OSBPL6: variants seen among roughly 807,000 people sequenced by gnomAD.
The protein encoded by OSBPL6 is oxysterol-binding protein-related protein 6.
In OSBPL6, 49 loss-of-function variants were observed where a neutral mutation model predicts 125.8. The observed-to-expected ratio is 0.39, with a 90% CI of 0.31 to 0.49. OSBPL6 has a LOEUF of 0.49. Ranked by LOEUF, OSBPL6 falls within the 20% of genes least tolerant of loss-of-function variation. OSBPL6 has a pLI of 0.88. For missense variants in OSBPL6, 986 were observed against 1,135.4 expected (o/e 0.87, Z 1.89); for synonymous variants, 394 against 391.8 (o/e 1.01, Z -0.07).
chr2:178,295,124 A>C (rs2154050478), intron 2 of OSBPL6, among the ~76,000 whole-genome samples: 1 of 152,258 alleles, frequency 6.6e-6, no homozygotes, highest in East Asian at 1.9e-4. Flanking sequence ...TGCAAGCATA[A>C]AGTATCTTCT....
In OSBPL6 at chr2:178,349,308, C is replaced by G. The variant is rs868641919; in HGVS notation, c.1072C>G (p.Pro358Ala). 3 of 1,614,108 alleles carry G rather than the reference C, an allele frequency of 1.9e-6. No individual in the cohort carries two copies. The South Asian group carries it at 3.3e-5, about 18-fold the overall frequency. ...LCADIEFQTP[P>A]SHLTDPLESS... ...TGCAGATATTGAATTTCAGACTCCCCCTAGCCACCTCACTGACCCTCTGGA... is the reference window on the plus strand; with the variant it reads ...TGCAGATATTGAATTTCAGACTCCCGCTAGCCACCTCACTGACCCTCTGGA... Residue 358 changes from proline to alanine, a missense_variant, in exon 12 of 25, where the codon CCT becomes GCT. By Grantham distance (27) the Pro-to-Ala change is conservative (BLOSUM62 -1). Transcript: ENST00000190611.
chr2:178,196,908 C>G (rs2088931047), intron 1 of OSBPL6, among the ~76,000 whole-genome samples: 1 of 152,062 alleles, frequency 6.6e-6, no homozygotes, highest in Non-Finnish European at 1.5e-5. Flanking sequence ...TTTCCTCACT[C>G]AATATTATAT....
At chr2:178,369,327 G>T (rs1224950260) in intron 13 of OSBPL6, among the ~76,000 whole-genome samples, 4 of 152,108 alleles carry the variant, frequency 2.6e-5, no homozygotes, top group African/African-American at 9.7e-5. Flanking sequence ...CTGATGATTT[G>T]CCCCATAAAG....
At chr2:178,212,608 G>C (rs2089912220) in intron 1 of OSBPL6, among the ~76,000 whole-genome samples, 1 of 152,220 alleles carries the variant, frequency 6.6e-6, no homozygotes, top group African/African-American at 2.4e-5. Flanking sequence ...ACAGTAATCA[G>C]TGAGGTGATA....
intron 13 of OSBPL6, among the ~76,000 whole-genome samples, chr2:178,362,797 A>G (rs1011089152): frequency 1.4e-4 from 22 of 152,188 alleles, no homozygotes; most frequent in African/African-American, 4.3e-4. Context: ...TTTCTGCATT[A>G]TCCATAAAAC....
chr2:178,383,958 T>C lies in OSBPL6; in HGVS notation c.1876-81T>C, dbSNP rs1044254813. ...TCAACACCCATCCACATGAGGTGTG[T>C]AAAATCTAGAGGGATGAGGAACAAA... On this transcript the variant is annotated intron_variant, in intron 17 of 24. Coordinates refer to ENST00000190611, the MANE Select transcript of OSBPL6 (RefSeq NM_032523.4). The C allele has an allele frequency of 2.3e-5, 34 of 1,494,692 alleles. No individual in the cohort carries two copies. The South Asian group carries it at 3.7e-4, about 16-fold the overall frequency. The allele number at this position is 1,494,692 out of a possible 1,614,324, so 92.6% of individuals were successfully genotyped here. A position where few individuals can be genotyped will look rare whatever the true frequency, so the allele number is the denominator to read the frequency against.
Position 178,383,049 on chromosome 2 carries a change from G to C in OSBPL6, c.1647G>C (p.Gly549=). 2.5e-6 allele frequency: 4 copies of C among 1,614,156 alleles called. No homozygotes were observed. The highest frequency in any genetic ancestry group is 3.4e-6 in the Non-Finnish European group (4 of 1,180,030). Residue 549 remains glycine, a synonymous_variant, in exon 17 of 25, where the codon GGG becomes GGC. Coordinates refer to ENST00000190611, the MANE Select transcript of OSBPL6 (RefSeq NM_032523.4). ...RQILNGELTG[G]AFRNGRRACL... ...TCCTGAATGGGGAGCTTACAGGAGG[G>C]GCCTTCCGAAATGGGCGTCGAGCAT...
chr2:178,361,873 A>C (rs1692391988), intron 13 of OSBPL6, 58 bp downstream of exon 13: 1 of 1,591,260 alleles, frequency 6.3e-7, no homozygotes, highest in South Asian at 1.1e-5. Flanking sequence ...TGTAAGATGA[A>C]AGATCAAAAG....
intron 1 of OSBPL6, among the ~76,000 whole-genome samples, chr2:178,266,545 G>A (rs1054354040): frequency 1.3e-5 from 2 of 152,160 alleles, no homozygotes; most frequent in Admixed American, 6.5e-5. Flanking sequence ...TGTAAGGTGG[G>A]CATGGCTCTT....
At chr2:178,384,229 G>A in intron 18 of OSBPL6, 53 bp downstream of exon 18, 1 of 1,574,646 alleles carries the variant, frequency 6.4e-7, no homozygotes, top group Non-Finnish European at 8.7e-7. Context: ...GGACAGTTCG[G>A]TGATGAAAGC....
chr2:178,269,439 G>C lies in OSBPL6; in HGVS notation c.-350-15488G>C, dbSNP rs774633196. Among the ~76,000 whole-genome samples the C allele has an allele frequency of 1.1e-4, 16 of 152,356 alleles. No individual in the cohort carries two copies. The Middle Eastern group carries it at 0.01, about 97-fold the overall frequency. ...TAACATGGAATTGCTGGGTCATAGA[G>C]TATTGGTACCTTTAGAAGATGTTGC... is the stretch of plus-strand genomic sequence containing the variant. On this transcript the variant is annotated intron_variant, in intron 1 of 24. Coordinates refer to ENST00000190611, the MANE Select transcript of OSBPL6 (RefSeq NM_032523.4).
At position 178,339,654 on chromosome 2, in the gene OSBPL6, A is replaced by T; in HGVS notation, c.895-18A>T. The T allele has an allele frequency of 1.3e-6, 2 of 1,569,674 alleles. No individual in the cohort carries two copies. The highest frequency in any genetic ancestry group is 1.7e-6 in the Non-Finnish European group (2 of 1,159,196). On this transcript the variant is annotated intron_variant, in intron 10 of 24. Coordinates refer to ENST00000190611, the MANE Select transcript of OSBPL6 (RefSeq NM_032523.4). ...ACTTAATAATACTTTGTTGCTTTTA[A>T]CTATTTGTGTAATGTAGGCTAACTG...
chr2:178,233,265 G>A (rs929455697), intron 1 of OSBPL6, among the ~76,000 whole-genome samples: 1 of 152,200 alleles, frequency 6.6e-6, no homozygotes, highest in African/African-American at 2.4e-5. Flanking sequence ...CTTCAGAAAT[G>A]AAATACACAG....
intron 11 of OSBPL6, chr2:178,344,219 C>T: frequency 7.4e-7 from 1 of 1,344,348 alleles, no homozygotes. Context: ...TATCTTTCAT[C>T]CTCCCATCTT....
At chr2:178,296,356 C>G (rs1685752712) in intron 2 of OSBPL6, among the ~76,000 whole-genome samples, 1 of 152,052 alleles carries the variant, frequency 6.6e-6, no homozygotes, top group Non-Finnish European at 1.5e-5. Flanking sequence ...GAAACTGAAG[C>G]AAAGAGAGAC....
At chr2:178,328,579 G>A (rs908560934) in intron 5 of OSBPL6, among the ~76,000 whole-genome samples, 18 of 152,060 alleles carry the variant, frequency 1.2e-4, no homozygotes, top group African/African-American at 3.9e-4. Flanking sequence ...CTTCCACCTC[G>A]CAGGTTCAAG....
intron 5 of OSBPL6, among the ~76,000 whole-genome samples, chr2:178,330,090 ATCC>A (rs1407303131): frequency 6.6e-6 from 1 of 152,126 alleles, no homozygotes; most frequent in African/African-American, 2.4e-5. Context: ...CCAATTGGCC[ATCC>A]TCCTTCCTAC....
chr2:178,365,989 C>G (rs1399145182), intron 13 of OSBPL6, among the ~76,000 whole-genome samples: 6 of 152,166 alleles, frequency 3.9e-5, no homozygotes, highest in Admixed American at 3.9e-4. Context: ...CTCCTGGGTT[C>G]AAGTGATTCT....
rs1036410586 is a variant in OSBPL6 at position 178,398,708 on chromosome 2, G to A, written c.*3149G>A. 6.6e-6 allele frequency: 1 copy of A among 152,070 alleles called. No homozygotes were observed. The highest frequency in any genetic ancestry group is 6.6e-5 in the Admixed American group (1 of 15,248). The allele number at this position is 152,070 out of a possible 1,614,324, so 9.4% of individuals were successfully genotyped here. On this transcript the variant is annotated 3_prime_UTR_variant, in exon 25 of 25. Coordinates refer to ENST00000190611, the MANE Select transcript of OSBPL6 (RefSeq NM_032523.4). Reference sequence around the variant, plus strand: ...AATTTTCTGGGCAAGAGAAACCAAAGGATTTTCAATATATGAGATGCCAGG... The same window carrying A: ...AATTTTCTGGGCAAGAGAAACCAAAAGATTTTCAATATATGAGATGCCAGG...
Sources: gnomAD v4.1 joint callset for allele counts (sites outside exome capture counted in the v4.1 genomes callset) on GRCh38, gnomAD v4.1.1 for gene constraint, MANE v1.5 for transcripts, NCBI Gene and HGNC (gene_info 2026-07-23, HGNC 2026-07-21) for gene names.